Variants in SLC41A2 observed in about 807,000 individuals in gnomAD.
SLC41A2 encodes the protein solute carrier family 41 member 2, also known as SLC41A1-like 1.
A neutral mutation model predicts 58.3 loss-of-function variants in SLC41A2; 32 were observed. The ratio of observed to expected loss-of-function variants is 0.55; its 90% CI spans 0.41 to 0.74. The LOEUF (loss-of-function observed/expected upper bound fraction) is 0.74, where lower values mean the gene tolerates loss of function less well. Among genes scored for constraint, SLC41A2 ranks in the 30% least tolerant of loss-of-function variants. The pLI, the probability that SLC41A2 is intolerant of heterozygous loss-of-function variation, is 0.00. For missense variants in SLC41A2, 514 were observed against 680.6 expected, an observed-to-expected ratio of 0.76 and a Z score of 2.72; for synonymous variants, 190 against 235.0, an observed-to-expected ratio of 0.81 and a Z score of 1.75.
chr12:104,946,470 C>G (rs978128907), intron 1 of SLC41A2, among the ~76,000 whole-genome samples: 3 of 152,062 alleles, frequency 2.0e-5, no homozygotes, highest in Non-Finnish European at 1.5e-5. Context: ...GAGACAGTCT[C>G]ACTACATTGC....
chr12:104,884,316 C>T (rs1165406309), intron 6 of SLC41A2, among the ~76,000 whole-genome samples: 1 of 152,166 alleles, frequency 6.6e-6, no homozygotes. Context: ...CAGTGCCCCA[C>T]CCTGCTTCGG....
At chr12:104,911,260 T>C (rs1290355069) in intron 2 of SLC41A2, among the ~76,000 whole-genome samples, 1 of 152,090 alleles carries the variant, frequency 6.6e-6, no homozygotes, top group Non-Finnish European at 1.5e-5. Flanking sequence ...AATCAAGCTA[T>C]AACCCAACCA....
chr12:104,874,073 G>GTTTTT (rs529722018), intron 6 of SLC41A2, among the ~76,000 whole-genome samples: 4 of 117,626 alleles, frequency 3.4e-5, no homozygotes, highest in Non-Finnish European at 5.4e-5. Context: ...GCCTGAGTTT[G>GTTTTT]TTTTTTTTTT....
chr12:104,829,664 G>A (rs559445046), intron 10 of SLC41A2, among the ~76,000 whole-genome samples: 2 of 151,960 alleles, frequency 1.3e-5, no homozygotes, highest in South Asian at 2.1e-4. Flanking sequence ...TTTGAAGATT[G>A]CAGATTTCAT....
chr12:104,815,381 G>C (rs2041349540), intron 10 of SLC41A2, among the ~76,000 whole-genome samples: 2 of 152,110 alleles, frequency 1.3e-5, no homozygotes, highest in African/African-American at 4.8e-5. Flanking sequence ...TATGCCTTTT[G>C]AAAAGGCAAC....
intron 6 of SLC41A2, among the ~76,000 whole-genome samples, chr12:104,881,030 T>C (rs1167955814): frequency 6.6e-6 from 1 of 152,198 alleles, no homozygotes; most frequent in African/African-American, 2.4e-5. Context: ...AACTTCTTCC[T>C]GGTTTAGTCT....
chr12:104,861,188 G>C, intron 8 of SLC41A2, 103 bp downstream of exon 8: 2 of 745,272 alleles, frequency 2.7e-6, no homozygotes, highest in Non-Finnish European at 4.2e-6. Flanking sequence ...TGGGATGGGA[G>C]GACAGACCTC....
chr12:104,923,184 A>T (rs1437759712), intron 2 of SLC41A2, among the ~76,000 whole-genome samples: 1 of 140,040 alleles, frequency 7.1e-6, no homozygotes, highest in Non-Finnish European at 1.6e-5. Flanking sequence ...AACACGGTGA[A>T]ACTCCGTCTC....
chr12:104,839,818 T>C (rs565091121), intron 10 of SLC41A2, among the ~76,000 whole-genome samples: 1 of 152,306 alleles, frequency 6.6e-6, no homozygotes, highest in East Asian at 1.9e-4. Flanking sequence ...TTTCAGTTTT[T>C]CTAGGGGCAA....
intron 6 of SLC41A2, among the ~76,000 whole-genome samples, chr12:104,878,647 C>A (rs1213830532): frequency 1.3e-5 from 2 of 152,056 alleles, no homozygotes; most frequent in Non-Finnish European, 2.9e-5. Flanking sequence ...TGGGCTCATG[C>A]TTTTTTATGG....
intron 8 of SLC41A2, among the ~76,000 whole-genome samples, chr12:104,857,715 T>C (rs546721113): frequency 6.6e-6 from 1 of 151,954 alleles, no homozygotes; most frequent in South Asian, 2.1e-4. Context: ...GGGACATGGA[T>C]GAAGCTGGAA....
chr12:104,954,235 G>T (rs1445057309), intron 1 of SLC41A2, among the ~76,000 whole-genome samples: 1 of 152,172 alleles, frequency 6.6e-6, no homozygotes, highest in Non-Finnish European at 1.5e-5. Context: ...TAACCAAGAA[G>T]AAAGCAATCT....
chr12:104,939,192 G>A (rs1203964030), intron 1 of SLC41A2, among the ~76,000 whole-genome samples: 2 of 152,138 alleles, frequency 1.3e-5, no homozygotes, highest in Non-Finnish European at 2.9e-5. Flanking sequence ...CACTCCTTAT[G>A]AATTCAACTT....
At chr12:104,938,563 T>C (rs1214423428) in intron 1 of SLC41A2, among the ~76,000 whole-genome samples, 2 of 152,158 alleles carry the variant, frequency 1.3e-5, no homozygotes, top group Non-Finnish European at 2.9e-5. Context: ...GCTATGTCTC[T>C]TTGCTCCCTC....
At position 104,925,535 on chromosome 12, in the gene SLC41A2, G is replaced by C. The variant is rs151072150; in HGVS notation, c.555+2438C>G. 2.5e-3 allele frequency among the ~76,000 whole-genome samples: 373 copies of C among 151,206 alleles called. 3 individuals carry two copies. Among genetic ancestry groups the C allele is most frequent in the African/African-American group, 8.7e-3 (355 of 41,014 alleles). On this transcript the variant is annotated intron_variant, in intron 2 of 10. Transcript: ENST00000258538. ...ATAGCGCCACTGCAGTCCGGCCTGGGTGAAAGAGCGAGGCTCCATCTCAAA... is the reference window on the plus strand; with the variant it reads ...ATAGCGCCACTGCAGTCCGGCCTGGCTGAAAGAGCGAGGCTCCATCTCAAA...
At chr12:104,955,853 G>A (rs1326860726) in intron 1 of SLC41A2, among the ~76,000 whole-genome samples, 1 of 151,826 alleles carries the variant, frequency 6.6e-6, no homozygotes, top group Non-Finnish European at 1.5e-5. Context: ...TTAGCTGTAA[G>A]TGGCTCTTAA....
intron 10 of SLC41A2, among the ~76,000 whole-genome samples, chr12:104,837,522 A>G (rs1252028146): frequency 6.6e-6 from 1 of 152,178 alleles, no homozygotes; most frequent in African/African-American, 2.4e-5. Context: ...TGTCTCTTCA[A>G]CATTTAACTG....
intron 1 of SLC41A2, among the ~76,000 whole-genome samples, chr12:104,939,484 C>A (rs2245696): frequency 2.6e-5 from 4 of 152,030 alleles, no homozygotes; most frequent in Admixed American, 6.5e-5. Flanking sequence ...ATTACAGGCA[C>A]GAGCCACCAT....
chr12:104,883,378 A>C (rs2044485224), intron 6 of SLC41A2, among the ~76,000 whole-genome samples: 1 of 152,080 alleles, frequency 6.6e-6, no homozygotes, highest in Non-Finnish European at 1.5e-5. Context: ...GGAGCTGTGA[A>C]TCTTTGGAGG....
Sources: allele counts gnomAD v4.1 joint callset (sites outside exome capture counted in the v4.1 genomes callset), GRCh38; gene constraint gnomAD v4.1.1; transcripts MANE v1.5; gene names NCBI Gene and HGNC (gene_info 2026-07-23, HGNC 2026-07-21).